The following ERBB4 variants were observed in gnomAD, a reference collection of about 807,000 sequenced individuals.
ERBB4 encodes erb-b2 receptor tyrosine kinase 4.
A neutral mutation model predicts 158.0 loss-of-function variants in ERBB4; 42 were observed. The ratio of observed to expected loss-of-function variants is 0.27; its 90% confidence interval spans 0.21 to 0.34. The LOEUF (loss-of-function observed/expected upper bound fraction) is 0.34. Among genes scored for constraint, ERBB4 ranks in the 10% least tolerant of loss-of-function variants. The pLI is 1.00. For synonymous variants in ERBB4, 583 were observed against 558.7 expected (o/e 1.04, Z -0.61); for missense variants, 1,333 against 1,624.1 (o/e 0.82, Z 3.08).
At chr2:211,856,595 G>T (rs1379206804) in intron 3 of ERBB4, among the ~76,000 whole-genome samples, 1 of 151,880 alleles carries the variant, frequency 6.6e-6, no homozygotes, top group African/African-American at 2.4e-5. Flanking sequence ...CACCGTGTTA[G>T]CCAGGATGGT....
chr2:212,434,626 G>C (rs1020711625), intron 1 of ERBB4, among the ~76,000 whole-genome samples: 9 of 151,864 alleles, frequency 5.9e-5, no homozygotes, highest in Non-Finnish European at 4.4e-5. Flanking sequence ...GTTCATCTTA[G>C]TAAACTTCAA....
chr2:212,484,278 C>G (rs1404023335), intron 1 of ERBB4, among the ~76,000 whole-genome samples: 2 of 152,174 alleles, frequency 1.3e-5, no homozygotes, highest in East Asian at 3.8e-4. Flanking sequence ...TCCCTAAACT[C>G]AAAGTAAGAT....
At position 211,378,801 on chromosome 2, in the gene ERBB4, T is replaced by C. The variant is rs1328174297; in HGVS notation, c.*4814A>G. On this transcript the variant is annotated 3_prime_UTR_variant, in exon 28 of 28. Coordinates refer to ENST00000342788, the MANE Select transcript of ERBB4 (RefSeq NM_005235.3). ...GGGGCAAGGCTGTCCTTCAAACTGA[T>C]ACACACCGAAGTCCATGTACACAAA... 1 of 232,618 alleles carries C rather than the reference T, an allele frequency of 4.3e-6. No individual in the cohort carries two copies. Among genetic ancestry groups the C allele is most frequent in the Non-Finnish European group, 8.5e-6 (1 of 117,614 alleles). The allele number at this position is 232,618 out of a possible 1,614,324, so 14.4% of individuals were successfully genotyped here.
chr2:211,929,267 C>CAGAG (rs140448083), intron 3 of ERBB4, among the ~76,000 whole-genome samples: 2 of 141,210 alleles, frequency 1.4e-5, no homozygotes, highest in African/African-American at 5.3e-5. Context: ...GTGTGTGTGA[C>CAGAG]AGAGAGAGAG....
At chr2:212,153,011 T>C (rs59649542) in intron 1 of ERBB4, among the ~76,000 whole-genome samples, 13,877 of 152,108 alleles carry the variant, frequency 0.091, 1,182 homozygotes, top group African/African-American at 0.23. Flanking sequence ...TTAAGGAAAA[T>C]GGGCAATTTG....
Position 212,182,042 on chromosome 2 carries a change from A to G in ERBB4, c.83-57139T>C, listed in dbSNP as rs114869377. ...ATCAGGACTATAATTATAGATTCAC[A>G]AGGAAAAATAAATTAACTTAATAAC... On this transcript the variant is annotated intron_variant, in intron 1 of 27. Coordinates refer to ENST00000342788, the MANE Select transcript of ERBB4 (RefSeq NM_005235.3). 6.1e-3 allele frequency among the ~76,000 whole-genome samples: 930 copies of G among 151,914 alleles called. 10 individuals carry two copies. Among genetic ancestry groups the G allele is most frequent in the African/African-American group, 0.022 (893 of 41,510 alleles).
In ERBB4 at chr2:211,408,334, T is replaced by C. The variant is rs74786541; in HGVS notation, c.3135+12107A>G. 9.6e-3 allele frequency among the ~76,000 whole-genome samples: 1,465 copies of C among 152,268 alleles called. 22 individuals are homozygous for C. The highest frequency in any genetic ancestry group is 0.034 in the African/African-American group (1,399 of 41,536). ...CATCTAAATGATTTAGATAAAACAT[T>C]CATTAACATTCTCAATCTAAGGATC... On this transcript the variant is annotated intron_variant, in intron 25 of 27. Coordinates refer to ENST00000342788, the MANE Select transcript of ERBB4 (RefSeq NM_005235.3).
At chr2:211,862,033 T>C (rs2078069703) in intron 3 of ERBB4, among the ~76,000 whole-genome samples, 1 of 152,194 alleles carries the variant, frequency 6.6e-6, no homozygotes, top group Non-Finnish European at 1.5e-5. Flanking sequence ...CAAGTTAATA[T>C]AAAACATATT....
At chr2:211,648,043 T>C (rs1030677598) in intron 16 of ERBB4, among the ~76,000 whole-genome samples, 1 of 151,870 alleles carries the variant, frequency 6.6e-6, no homozygotes, top group Non-Finnish European at 1.5e-5. Context: ...TTTAATGTAA[T>C]GAATTTAAAT....
chr2:212,322,448 T>C (rs1341286328), intron 1 of ERBB4, among the ~76,000 whole-genome samples: 1 of 150,648 alleles, frequency 6.6e-6, no homozygotes, highest in South Asian at 2.1e-4. Flanking sequence ...AAATCCACTA[T>C]TTTAAAAACT....
intron 20 of ERBB4, among the ~76,000 whole-genome samples, chr2:211,487,757 G>A (rs1489857102): frequency 1.3e-5 from 2 of 152,048 alleles, no homozygotes; most frequent in African/African-American, 4.8e-5. Context: ...AGAATATTAT[G>A]CTATTACTGT....
intron 1 of ERBB4, among the ~76,000 whole-genome samples, chr2:212,533,209 T>G (rs1231140760): frequency 1.3e-5 from 2 of 152,234 alleles, no homozygotes; most frequent in Non-Finnish European, 2.9e-5. Context: ...AGAGACAGTT[T>G]GCTAGAAAGT....
At chr2:212,204,085 G>A (rs977902933) in intron 1 of ERBB4, among the ~76,000 whole-genome samples, 4 of 152,076 alleles carry the variant, frequency 2.6e-5, no homozygotes, top group Non-Finnish European at 4.4e-5. Context: ...ATTGAATATG[G>A]TAAGCTGTTG....
chr2:212,015,981 G>C (rs1244754310), intron 2 of ERBB4, among the ~76,000 whole-genome samples: 1 of 150,164 alleles, frequency 6.7e-6, no homozygotes, highest in Middle Eastern at 3.5e-3. Flanking sequence ...CCTAAATAAA[G>C]AGAAATATCT....
chr2:212,139,595 T>C (rs568112104), intron 1 of ERBB4, among the ~76,000 whole-genome samples: 2 of 151,988 alleles, frequency 1.3e-5, no homozygotes, highest in East Asian at 3.9e-4. Flanking sequence ...AGAAAAAATT[T>C]TTCAATTGTA....
intron 1 of ERBB4, among the ~76,000 whole-genome samples, chr2:212,282,139 A>G (rs2085781591): frequency 6.6e-6 from 1 of 151,896 alleles, no homozygotes; most frequent in Admixed American, 6.6e-5. Context: ...GAAGTGAACA[A>G]TTCTACCATC....
Position 211,657,916 on chromosome 2 carries a change from G to A in ERBB4, c.1872-88C>T, listed in dbSNP as rs747416826. 4 of 1,609,676 alleles carry A rather than the reference G, an allele frequency of 2.5e-6. No individual in the cohort carries two copies. The South Asian group carries it at 4.4e-5, about 18-fold the overall frequency. ...ACCAGTGCTCACACATGGAGCCTTG[G>A]AGGAAGAACATGGGAAGCAAGCACA... On this transcript the variant is annotated intron_variant, in intron 15 of 27. Coordinates refer to ENST00000342788, the MANE Select transcript of ERBB4 (RefSeq NM_005235.3).
intron 4 of ERBB4, among the ~76,000 whole-genome samples, chr2:211,773,585 T>C (rs1048326026): frequency 9.7e-5 from 11 of 113,880 alleles, no homozygotes; most frequent in Middle Eastern, 4.7e-3. Context: ...GTAAGGATTA[T>C]ACTTCTGTAA....
intron 20 of ERBB4, among the ~76,000 whole-genome samples, chr2:211,522,411 A>G (rs891352063): frequency 1.3e-5 from 2 of 152,294 alleles, no homozygotes; most frequent in East Asian, 3.9e-4. Context: ...TAAAACTTCA[A>G]TGGATGAGTA....
Sources: gnomAD v4.1 joint callset for allele counts (sites outside exome capture counted in the v4.1 genomes callset) on GRCh38, gnomAD v4.1.1 for gene constraint, MANE v1.5 for transcripts, NCBI Gene and HGNC (gene_info 2026-07-23, HGNC 2026-07-21) for gene names.